C2CD4D: variants seen among roughly 807,000 people sequenced by gnomAD.
C2CD4D encodes the protein C2 calcium-dependent domain-containing protein 4D.
C2CD4D carries 1 observed loss-of-function variant against 0.2 expected under a neutral mutation model. The ratio of observed to expected loss-of-function variants is 4.00; its 90% CI spans 1.42 to 18.99. The LOEUF is 18.99. Ranked by LOEUF, C2CD4D falls within the 30% of genes most tolerant of loss-of-function variation. C2CD4D has a pLI of 0.11. For synonymous variants in C2CD4D, 269 were observed against 279.8 expected, an observed-to-expected ratio of 0.96 and a Z score of 0.39; for missense variants, 552 against 551.2, an observed-to-expected ratio of 1.00 and a Z score of -0.01.
rs753697778 is a variant in C2CD4D at position 151,838,660 on chromosome 1, CG to C, written c.329del (p.Pro110ArgfsTer129). ...GGAGTCCCCCGGCCGGGGCAGGTGGCGGCCCGTGGAACAGGGATTCCCGCCG... is the reference window on the plus strand; with the variant it reads ...GGAGTCCCCCGGCCGGGGCAGGTGGCGCCCGTGGAACAGGGATTCCCGCCG... On this transcript the variant is annotated frameshift_variant, in exon 2 of 2. Coordinates refer to ENST00000454109, the Ensembl canonical transcript of C2CD4D. LOFTEE classifies it low-confidence loss of function (END_TRUNC). 1,281 of 1,363,068 alleles carry C rather than the reference CG, an allele frequency of 9.4e-4. 1 individual carries two copies. The highest frequency in any genetic ancestry group is 1.1e-3 in the Non-Finnish European group (1,147 of 1,059,364). The allele number at this position is 1,363,068 out of a possible 1,614,324, so 84.4% of individuals were successfully genotyped here.
chr1:151,838,850 C>T, exon 2 of C2CD4D: 1 of 1,507,206 alleles, frequency 6.6e-7, no homozygotes, highest in Non-Finnish European at 8.9e-7. Flanking sequence ...CTGCGGGATG[C>T]GATCCGGGGT....
rs1394581457 is a variant in C2CD4D, at chr1:151,838,880, C to CT, written c.109dup (p.Ser37LysfsTer320). On this transcript the variant is annotated frameshift_variant, in exon 2 of 2. Coordinates refer to ENST00000454109, the Ensembl canonical transcript of C2CD4D. LOFTEE classifies it low-confidence loss of function (END_TRUNC). ...CGGGGTGAGGACGTTGGGGCAGGCG[C>CT]TTGTGGGCGGGCCCGGGGCGCGACG... 7 of 1,543,610 alleles carry CT rather than the reference C, an allele frequency of 4.5e-6. No homozygotes were observed. The highest frequency in any genetic ancestry group is 6.1e-6 in the Non-Finnish European group (7 of 1,143,668).
At chr1:151,839,604 C>T (rs1203931224) in intron 1 of C2CD4D, among the ~76,000 whole-genome samples, 60 bp downstream of exon 1, 1 of 152,162 alleles carries the variant, frequency 6.6e-6, no homozygotes, top group African/African-American at 2.4e-5. Context: ...CTAGCCCCAC[C>T]TGCCTCCTCT....
chr1:151,839,109 A>C (rs1652694420), exon 2 of C2CD4D: 1 of 1,179,220 alleles, frequency 8.5e-7, no homozygotes, highest in African/African-American at 1.6e-5. Flanking sequence ...GTCAGAGGTG[A>C]GTGATGCTGG....
chr1:151,838,619 CG>C lies in C2CD4D; in HGVS notation c.370del (p.Arg124GlyfsTer115). On this transcript the variant is annotated frameshift_variant, in exon 2 of 2. Coordinates refer to ENST00000454109, the Ensembl canonical transcript of C2CD4D. LOFTEE classifies it low-confidence loss of function (END_TRUNC). ...CAGGTCCGGGGCGGAGACGTGCAGC[CG>C]GGACTGCGCCGCGGGGAGTCCCCCG... 2.3e-6 allele frequency: 3 copies of C among 1,315,138 alleles called. No individual in the cohort carries two copies. Among genetic ancestry groups the C allele is most frequent in the Non-Finnish European group, 2.9e-6 (3 of 1,037,380 alleles). The allele number at this position is 1,315,138 out of a possible 1,614,324, so 81.5% of individuals were successfully genotyped here.
At chr1:151,838,563 C>A in exon 2 of C2CD4D, 1 of 1,317,712 alleles carries the variant, frequency 7.6e-7, no homozygotes, top group Non-Finnish European at 9.6e-7. Context: ...GGCGACGAGG[C>A]CGTGTCGCTG....
exon 2 of C2CD4D, chr1:151,838,780 G>C (rs1238077745): frequency 7.4e-7 from 1 of 1,348,574 alleles, no homozygotes; most frequent in African/African-American, 1.5e-5. Flanking sequence ...GCCCCGCCAC[G>C]TGCCGCCGGG....
chr1:151,839,332 T>C (rs1652708449), intron 1 of C2CD4D, 112 bp from the exon 2 acceptor site: 1 of 356,410 alleles, frequency 2.8e-6, no homozygotes, highest in Non-Finnish European at 5.1e-6. Context: ...CCATTCACCT[T>C]ACAGTTAGAG....
At chr1:151,838,582 C>T (rs1652659205) in exon 2 of C2CD4D, 21 of 1,315,634 alleles carry the variant, frequency 1.6e-5, no homozygotes, top group Non-Finnish European at 2.0e-5. Flanking sequence ...TGTCGGGGGC[C>T]CGGCAGAGGC....
rs766601318 is a variant in C2CD4D, at chr1:151,838,868, T to C, written c.122A>G (p.Asn41Ser). Residue 41 changes from asparagine to serine, a missense_variant, in exon 2 of 2, where the codon AAC becomes AGC. Transcript: ENST00000454109. ...CGGGATGCGATCCGGGGTGAGGACG[T>C]TGGGGCAGGCGCTTGTGGGCGGGCC... The C allele has an allele frequency of 1.1e-4, 162 of 1,540,076 alleles. No homozygotes were observed. Among genetic ancestry groups the C allele is most frequent in the Non-Finnish European group, 1.2e-4 (138 of 1,142,092 alleles).
exon 2 of C2CD4D, chr1:151,838,312 T>C (rs1274779135): frequency 1.7e-5 from 24 of 1,399,624 alleles, no homozygotes; most frequent in Middle Eastern, 2.4e-4. Context: ...CGGCCTGATA[T>C]TCGGTGGAGA....
exon 2 of C2CD4D, chr1:151,838,947 C>T: frequency 6.5e-7 from 1 of 1,550,182 alleles, no homozygotes; most frequent in Non-Finnish European, 8.7e-7. Context: ...GCCGCAGGCT[C>T]CGCGGCCCCC....
exon 1 of C2CD4D, chr1:151,840,224 GCT>G (rs1652746963): frequency 1.3e-5 from 2 of 152,398 alleles, no homozygotes; most frequent in South Asian, 4.1e-4. Flanking sequence ...GATAAACACA[GCT>G]CTGTCTGCGC....
chr1:151,839,241 C>CAAAG lies in C2CD4D; in HGVS notation c.-231-25_-231-22dup, dbSNP rs1289051707. On this transcript the variant is annotated intron_variant, in intron 1 of 1. Coordinates refer to ENST00000454109, the Ensembl canonical transcript of C2CD4D. ...GGGGGCTGGGGAGAAATGGAGGGAG[C>CAAAG]AAAGGGCCAGTCAGTCACATTTTCA... is the stretch of plus-strand genomic sequence containing the variant. 5 of 527,174 alleles carry CAAAG rather than the reference C, an allele frequency of 9.5e-6. No homozygotes were observed. In the East Asian group the frequency reaches 1.8e-4, roughly 18 times the overall value. 32.7% of individuals were successfully genotyped at this position (527,174 alleles called of 1,614,324 possible).
At position 151,838,137 on chromosome 1, in the gene C2CD4D, T is replaced by TG; in HGVS notation, c.852dup (p.Ile285HisfsTer72). 6.5e-7 allele frequency: 1 copy of TG among 1,546,178 alleles called. No individual in the cohort carries two copies. The highest frequency in any genetic ancestry group is 8.7e-7 in the Non-Finnish European group (1 of 1,144,078). ...TCGAAAAAGAAATCCTCGTTGAAGATGGGGTTGGCGCTGCACTTGACCACG... is the reference window on the plus strand; with the variant it reads ...TCGAAAAAGAAATCCTCGTTGAAGATGGGGGTTGGCGCTGCACTTGACCACG... On this transcript the variant is annotated frameshift_variant, in exon 2 of 2. Transcript: ENST00000454109. LOFTEE classifies it low-confidence loss of function (END_TRUNC).
chr1:151,838,315 G>T (rs914538349), exon 2 of C2CD4D: 2 of 1,402,666 alleles, frequency 1.4e-6, no homozygotes, highest in East Asian at 3.1e-5. Flanking sequence ...CCTGATATTC[G>T]GTGGAGAGCC....
chr1:151,837,987 G>A (rs1356750329), exon 2 of C2CD4D: 5 of 1,549,948 alleles, frequency 3.2e-6, no homozygotes, highest in African/African-American at 1.4e-5. Flanking sequence ...CCACCCAGCG[G>A]GGGCAGCAGC....
exon 2 of C2CD4D, chr1:151,837,984 G>T (rs1652626092): frequency 1.6e-5 from 25 of 1,549,874 alleles, no homozygotes; most frequent in Non-Finnish European, 2.1e-5. Flanking sequence ...CCCCCACCCA[G>T]CGGGGGCAGC....
At chr1:151,838,194 G>A (rs1652635721) in exon 2 of C2CD4D, 2 of 1,549,366 alleles carry the variant, frequency 1.3e-6, no homozygotes, top group Non-Finnish European at 1.7e-6. Context: ...CGGACGCGGG[G>A]CCGCAGCCTC....
Sources: allele counts gnomAD v4.1 joint callset (sites outside exome capture counted in the v4.1 genomes callset), GRCh38; gene constraint gnomAD v4.1.1; transcripts MANE v1.5; gene names NCBI Gene and HGNC (gene_info 2026-07-23, HGNC 2026-07-21).